The following LACTB2 variants were observed in gnomAD, a reference collection of about 807,000 sequenced individuals.
LACTB2 encodes the protein endoribonuclease LACTB2.
In LACTB2, 32 loss-of-function variants were observed where a neutral mutation model predicts 34.8. That is an observed-to-expected ratio of 0.92 (90% CI 0.69 to 1.24). The LOEUF (loss-of-function observed/expected upper bound fraction) is 1.24. Ranked by LOEUF, LACTB2 falls within the 50% of genes most tolerant of loss-of-function variation. The pLI is 0.00. For synonymous variants in LACTB2, 120 were observed against 117.5 expected (o/e 1.02, Z -0.14); for missense variants, 320 against 345.0 (o/e 0.93, Z 0.57).
intron 5 of LACTB2, among the ~76,000 whole-genome samples, chr8:70,639,067 C>T (rs1818161425): frequency 6.6e-6 from 1 of 151,780 alleles, no homozygotes; most frequent in African/African-American, 2.4e-5. Flanking sequence ...ACTTGTTTGA[C>T]ATTTTTAACA....
At chr8:70,668,276 A>T (rs890208456) in intron 1 of LACTB2, among the ~76,000 whole-genome samples, 1 of 152,258 alleles carries the variant, frequency 6.6e-6, no homozygotes, top group African/African-American at 2.4e-5. Flanking sequence ...TCCAGTAAAG[A>T]CTACAAAAGT....
At chr8:70,660,643 C>T (rs755757081) in intron 2 of LACTB2, 2 of 456,274 alleles carry the variant, frequency 4.4e-6, no homozygotes, top group Non-Finnish European at 8.8e-6. Context: ...ATGCTGTTTG[C>T]CTGCAGGCCT....
At chr8:70,667,128 T>C (rs1427832223) in intron 1 of LACTB2, among the ~76,000 whole-genome samples, 2 of 152,238 alleles carry the variant, frequency 1.3e-5, no homozygotes, top group Admixed American at 1.3e-4. Context: ...ATAAAGAAGA[T>C]GACTCTATCA....
chr8:70,646,703 G>A (rs1310245313), intron 3 of LACTB2: 2 of 151,750 alleles, frequency 1.3e-5, no homozygotes, highest in Non-Finnish European at 2.9e-5. Flanking sequence ...ATATTGTTTT[G>A]TAACTATGCC....
chr8:70,668,748 G>GTTTTTTTTTTTTTTTTTTTTTTTTTT (rs990900411), intron 1 of LACTB2, among the ~76,000 whole-genome samples: 8 of 103,718 alleles, frequency 7.7e-5, no homozygotes, highest in Admixed American at 1.9e-4. Flanking sequence ...CAAAACAGAA[G>GTTTTTTTTTTTTTTTTTTTTTTTTTT]TTTTTTTTTT....
intron 2 of LACTB2, chr8:70,660,670 C>A (rs913894196): frequency 2.4e-5 from 11 of 456,290 alleles, no homozygotes; most frequent in African/African-American, 2.2e-4. Context: ...CAGGAGCTTG[C>A]TCCTTCTCTC....
intron 4 of LACTB2, among the ~76,000 whole-genome samples, chr8:70,643,561 C>T (rs1818227183): frequency 6.6e-6 from 1 of 151,676 alleles, no homozygotes; most frequent in Non-Finnish European, 1.5e-5. Context: ...GTCACCCAGG[C>T]TGGCATGCAG....
intron 2 of LACTB2, among the ~76,000 whole-genome samples, chr8:70,659,570 G>T (rs1818457057): frequency 6.6e-6 from 1 of 152,074 alleles, no homozygotes; most frequent in Non-Finnish European, 1.5e-5. Context: ...ATGCTTTTCT[G>T]GGAATTGACA....
chr8:70,665,364 A>C (rs572064944), intron 1 of LACTB2, among the ~76,000 whole-genome samples: 5 of 152,324 alleles, frequency 3.3e-5, no homozygotes, highest in Admixed American at 3.3e-4. Context: ...TGGAGAAAAA[A>C]ATTTTTAATT....
intron 2 of LACTB2, 101 bp downstream of exon 2, chr8:70,661,633 A>T: frequency 1.0e-6 from 1 of 968,266 alleles, no homozygotes. Flanking sequence ...AAACTGAGGT[A>T]TTTAGTAAAT....
rs1249921584 is a variant in LACTB2 at position 70,640,953 on chromosome 8, C to T, written c.690G>A (p.Glu230=). 6.2e-7 allele frequency: 1 copy of T among 1,607,716 alleles called. No individual in the cohort carries two copies. Among genetic ancestry groups the T allele is most frequent in the Non-Finnish European group, 8.5e-7 (1 of 1,178,036 alleles). ...REQQILTLFR[E]NFEKSFTVME... ...TTACTGTAAATGATTTCTCAAAGTTCTCACGAAATAATGTAAGAATTTGCT... is the reference window on the plus strand; with the variant it reads ...TTACTGTAAATGATTTCTCAAAGTTTTCACGAAATAATGTAAGAATTTGCT... Residue 230 remains glutamate, a synonymous_variant, in exon 5 of 7, where the codon GAG becomes GAA. Coordinates refer to ENST00000276590, the MANE Select transcript of LACTB2 (RefSeq NM_016027.3).
At chr8:70,652,170 C>A (rs1818351381) in intron 3 of LACTB2, among the ~76,000 whole-genome samples, 1 of 152,134 alleles carries the variant, frequency 6.6e-6, no homozygotes, top group African/African-American at 2.4e-5. Flanking sequence ...GCAAGATCAA[C>A]TGGCCAATGA....
intron 6 of LACTB2, 75 bp from the exon 7 acceptor site, chr8:70,637,978 G>T: frequency 1.3e-6 from 1 of 766,992 alleles, no homozygotes; most frequent in Non-Finnish European, 2.0e-6. Context: ...TTACCTTGTG[G>T]CTAGAAAAAG....
At chr8:70,664,100 C>G (rs947014334) in intron 1 of LACTB2, among the ~76,000 whole-genome samples, 1 of 152,150 alleles carries the variant, frequency 6.6e-6, no homozygotes, top group African/African-American at 2.4e-5. Context: ...TTATTTACCA[C>G]AAATTCTCAC....
rs1022652924 is a variant in LACTB2 at position 70,637,756 on chromosome 8, T to A, written c.*104A>T. 11 of 609,396 alleles carry A rather than the reference T, an allele frequency of 1.8e-5. No individual in the cohort carries two copies. The South Asian group carries it at 2.0e-4, about 11-fold the overall frequency. 37.7% of individuals were successfully genotyped at this position (609,396 alleles called of 1,614,324 possible). A position where few individuals can be genotyped will look rare whatever the true frequency, so the allele number is the denominator to read the frequency against. On this transcript the variant is annotated 3_prime_UTR_variant, in exon 7 of 7. Transcript: ENST00000276590. The stretch of plus-strand genomic sequence containing the variant: ...TATTTTAAAGTATATCTAGGGTTAT[T>A]TTTAATGTTTTATACTTTTATATTC...
intron 3 of LACTB2, among the ~76,000 whole-genome samples, chr8:70,657,428 A>ATTTTTTTTT (rs777806428): frequency 8.6e-6 from 1 of 115,822 alleles, no homozygotes; most frequent in Non-Finnish European, 1.8e-5. Context: ...CAGATCTTCT[A>ATTTTTTTTT]TTTTTTTTTT....
At chr8:70,652,075 C>T (rs184819335) in intron 3 of LACTB2, among the ~76,000 whole-genome samples, 4 of 152,168 alleles carry the variant, frequency 2.6e-5, no homozygotes, top group Admixed American at 2.0e-4. Flanking sequence ...TTCTAGTTTT[C>T]TACTTTTTAC....
chr8:70,654,677 T>A (rs142453768), intron 3 of LACTB2: 8 of 152,302 alleles, frequency 5.3e-5, no homozygotes, highest in African/African-American at 1.9e-4. Flanking sequence ...CCTGCTCTGT[T>A]TCCGATCTGG....
intron 3 of LACTB2, among the ~76,000 whole-genome samples, chr8:70,644,493 A>G (rs1818237879): frequency 6.6e-6 from 1 of 152,150 alleles, no homozygotes; most frequent in East Asian, 1.9e-4. Context: ...TTTTTTTGAG[A>G]CAGGGTCTCA....
Sources: allele counts gnomAD v4.1 joint callset (sites outside exome capture counted in the v4.1 genomes callset), GRCh38; gene constraint gnomAD v4.1.1; transcripts MANE v1.5; gene names NCBI Gene and HGNC (gene_info 2026-07-23, HGNC 2026-07-21).